The following SIPA1L1 variants were observed in gnomAD, a reference collection of about 807,000 sequenced individuals.
SIPA1L1 encodes the protein signal-induced proliferation-associated 1-like protein 1.
SIPA1L1 carries 26 observed loss-of-function variants against 162.7 expected under a neutral mutation model. The observed-to-expected ratio is 0.16, with a 90% CI of 0.12 to 0.22. The LOEUF (loss-of-function observed/expected upper bound fraction) is 0.22. Among genes scored for constraint, SIPA1L1 ranks in the 10% least tolerant of loss-of-function variants. The pLI, the probability that SIPA1L1 is intolerant of heterozygous loss-of-function variation, is 1.00. For synonymous variants in SIPA1L1, 829 were observed against 837.4 expected (o/e 0.99, Z 0.17); for missense variants, 1,874 against 2,241.0 (o/e 0.84, Z 3.31).
intron 5 of SIPA1L1, among the ~76,000 whole-genome samples, chr14:71,592,596 A>G (rs954460571): frequency 1.3e-5 from 2 of 151,942 alleles, no homozygotes; most frequent in Admixed American, 1.3e-4. Flanking sequence ...TTGGCTGCCT[A>G]ATGCATTCCT....
intron 7 of SIPA1L1, among the ~76,000 whole-genome samples, chr14:71,638,488 CTTAT>C (rs1178984509): frequency 6.6e-6 from 1 of 152,140 alleles, no homozygotes; most frequent in Non-Finnish European, 1.5e-5. Context: ...AAAATTTGAA[CTTAT>C]TTATGATAAA....
intron 8 of SIPA1L1, among the ~76,000 whole-genome samples, chr14:71,655,973 T>TGGG (rs2043021024): frequency 2.6e-5 from 4 of 152,140 alleles, no homozygotes; most frequent in Admixed American, 2.6e-4. Context: ...TTTTCATTCT[T>TGGG]TCTGGTAAAG....
At chr14:71,413,452 G>T (rs887989965) in intron 2 of SIPA1L1, among the ~76,000 whole-genome samples, 2 of 152,152 alleles carry the variant, frequency 1.3e-5, no homozygotes, top group Non-Finnish European at 2.9e-5. Flanking sequence ...ATGTGTTGAG[G>T]CGGGGCATAG....
chr14:71,694,846 T>A (rs898260608), intron 13 of SIPA1L1, among the ~76,000 whole-genome samples: 40 of 152,220 alleles, frequency 2.6e-4, no homozygotes, highest in African/African-American at 8.0e-4. Flanking sequence ...TCTCTTGTGA[T>A]CTTGCTGTAA....
intron 2 of SIPA1L1, among the ~76,000 whole-genome samples, chr14:71,399,824 G>A (rs948417604): frequency 2.6e-5 from 4 of 151,794 alleles, no homozygotes; most frequent in African/African-American, 7.3e-5. Context: ...GGGTTCAAGC[G>A]ATTCTCCTGC....
rs77063209 is a variant in SIPA1L1 at position 71,418,641 on chromosome 14, C to T, written c.-464-94102C>T. On this transcript the variant is annotated intron_variant, in intron 2 of 23. Coordinates refer to ENST00000381232, the MANE Select transcript of SIPA1L1 (RefSeq NM_001386936.1). ...TTGATCATGAATTGCTAATGTTTCT[C>T]GAAGGGCTTAGGAAACAGTGATGGG... Among the ~76,000 whole-genome samples, 208 of 152,262 alleles carry T rather than the reference C, an allele frequency of 1.4e-3. 1 individual carries two copies. In the East Asian group the frequency reaches 0.026, roughly 19 times the overall value.
chr14:71,693,499 A>C (rs188381653), intron 13 of SIPA1L1, among the ~76,000 whole-genome samples: 19 of 148,958 alleles, frequency 1.3e-4, no homozygotes, highest in Non-Finnish European at 3.0e-5. Context: ...ACTCCGTCTC[A>C]AAAAAAAAAG....
chr14:71,538,245 T>C (rs939884754), intron 4 of SIPA1L1, among the ~76,000 whole-genome samples: 1 of 152,188 alleles, frequency 6.6e-6, no homozygotes, highest in Non-Finnish European at 1.5e-5. Flanking sequence ...TAAGAATTGG[T>C]CCCAGCGAGG....
chr14:71,370,313 T>C (rs1273573363), intron 2 of SIPA1L1, among the ~76,000 whole-genome samples: 1 of 151,924 alleles, frequency 6.6e-6, no homozygotes, highest in African/African-American at 2.4e-5. Flanking sequence ...CATAGATAGC[T>C]CTTATTATTT....
intron 2 of SIPA1L1, among the ~76,000 whole-genome samples, chr14:71,434,037 TA>T (rs1395364316): frequency 6.6e-6 from 1 of 152,250 alleles, no homozygotes; most frequent in Non-Finnish European, 1.5e-5. Context: ...TGATTGTGAC[TA>T]ATGATCAAAG....
chr14:71,559,568 T>C (rs1174060109), intron 4 of SIPA1L1, among the ~76,000 whole-genome samples: 1 of 152,238 alleles, frequency 6.6e-6, no homozygotes, highest in African/African-American at 2.4e-5. Flanking sequence ...AGAGATGTTA[T>C]GTGAAACACT....
intron 7 of SIPA1L1, among the ~76,000 whole-genome samples, chr14:71,626,818 TA>T (rs1249057652): frequency 6.6e-6 from 1 of 152,156 alleles, no homozygotes; most frequent in Non-Finnish European, 1.5e-5. Context: ...CCATGCTTTG[TA>T]AAAGAAGACA....
At chr14:71,686,606 C>T (rs1034468977) in intron 13 of SIPA1L1, among the ~76,000 whole-genome samples, 1 of 151,938 alleles carries the variant, frequency 6.6e-6, no homozygotes, top group Non-Finnish European at 1.5e-5. Flanking sequence ...TGCAGTGGTG[C>T]TATCTCGGCT....
intron 10 of SIPA1L1, among the ~76,000 whole-genome samples, chr14:71,668,019 C>T (rs542205764): frequency 2.0e-5 from 3 of 151,930 alleles, no homozygotes; most frequent in South Asian, 4.2e-4. Context: ...GAGCCGAGAT[C>T]GCGCCACTGC....
intron 2 of SIPA1L1, among the ~76,000 whole-genome samples, chr14:71,457,654 G>C (rs1329613791): frequency 6.6e-6 from 1 of 151,202 alleles, no homozygotes; most frequent in East Asian, 1.9e-4. Flanking sequence ...GAGTGCAGTG[G>C]TGTGATCTCA....
At chr14:71,670,918 A>G (rs1384121744) in intron 10 of SIPA1L1, among the ~76,000 whole-genome samples, 2 of 152,216 alleles carry the variant, frequency 1.3e-5, no homozygotes, top group African/African-American at 2.4e-5. Flanking sequence ...CCTAGAAAAA[A>G]AATTATGTTG....
chr14:71,708,028 T>G (rs113318504), intron 16 of SIPA1L1, among the ~76,000 whole-genome samples: 817 of 49,042 alleles, frequency 0.017, 3 homozygotes, highest in Middle Eastern at 0.081. Flanking sequence ...TTTTTTTTTT[T>G]GTTTTTTTTT....
At chr14:71,414,420 G>T (rs546602156) in intron 2 of SIPA1L1, among the ~76,000 whole-genome samples, 105 of 152,106 alleles carry the variant, frequency 6.9e-4, no homozygotes, top group African/African-American at 2.5e-3. Context: ...AAAAAACCCT[G>T]CTCTTTATAG....
At chr14:71,550,585 AAGAC>A (rs2055715021) in intron 4 of SIPA1L1, among the ~76,000 whole-genome samples, 1 of 151,690 alleles carries the variant, frequency 6.6e-6, no homozygotes. Flanking sequence ...GAAAAAGAGA[AAGAC>A]AGCTCCGTTC....
Sources: allele counts gnomAD v4.1 joint callset (sites outside exome capture counted in the v4.1 genomes callset), GRCh38; gene constraint gnomAD v4.1.1; transcripts MANE v1.5; gene names NCBI Gene and HGNC (gene_info 2026-07-23, HGNC 2026-07-21).